The following SCN4B variants were observed in gnomAD, a reference collection of about 807,000 sequenced individuals.
SCN4B encodes the protein sodium voltage-gated channel beta subunit 4.
SCN4B carries 20 observed loss-of-function variants against 19.6 expected under a neutral mutation model. The observed-to-expected ratio is 1.02, with a 90% CI of 0.72 to 1.48. SCN4B has a LOEUF of 1.48. Ranked by LOEUF, SCN4B falls within the 40% of genes most tolerant of loss-of-function variation. SCN4B has a pLI of 0.00. For synonymous variants in SCN4B, 127 were observed against 122.8 expected, an observed-to-expected ratio of 1.03 and a Z score of -0.22; for missense variants, 271 against 287.5, an observed-to-expected ratio of 0.94 and a Z score of 0.42.
rs1489698404 is a variant in SCN4B, at chr11:118,133,534, C to T, written c.*3493G>A. 4.4e-6 allele frequency: 2 copies of T among 454,218 alleles called. No homozygotes were observed. The highest frequency in any genetic ancestry group is 6.9e-5 in the East Asian group (1 of 14,410). The allele number at this position is 454,218 out of a possible 1,614,324, so 28.1% of individuals were successfully genotyped here. On this transcript the variant is annotated 3_prime_UTR_variant, in exon 5 of 5. Transcript: ENST00000324727. ...TCTGCGCCTCCCAGAGGCACTCGCA[C>T]ACCTGAGGCCTCCCAAGGCCTGTTG...
intron 3 of SCN4B, chr11:118,141,950 T>A (rs1484429152): frequency 6.5e-6 from 1 of 154,984 alleles, no homozygotes. Context: ...ATCCTCCCAA[T>A]TGCTATAACC....
Position 118,135,944 on chromosome 11 carries a change from C to T in SCN4B, c.*1083G>A, listed in dbSNP as rs951535863. ...CTGGGAAACCCAAGGACCCCCTCAT[C>T]CAAAGGAAGAGAGTCCCTGAGGCGA... On this transcript the variant is annotated 3_prime_UTR_variant, in exon 5 of 5. Coordinates refer to ENST00000324727, the MANE Select transcript of SCN4B (RefSeq NM_174934.4). The T allele has an allele frequency of 2.2e-6, 1 of 454,172 alleles. No individual in the cohort carries two copies. Among genetic ancestry groups the T allele is most frequent in the Non-Finnish European group, 4.4e-6 (1 of 226,694 alleles). The allele number at this position is 454,172 out of a possible 1,614,324, so 28.1% of individuals were successfully genotyped here.
Position 118,134,496 on chromosome 11 carries a change from G to T in SCN4B, c.*2531C>A. On this transcript the variant is annotated 3_prime_UTR_variant, in exon 5 of 5. Transcript: ENST00000324727. ...TGGGACAGGATGATTCTTTGTTGTGGGGACTAAGTTTAGCATTCTTAGTAG... is the reference window on the plus strand; with the variant it reads ...TGGGACAGGATGATTCTTTGTTGTGTGGACTAAGTTTAGCATTCTTAGTAG... 1 of 454,066 alleles carries T rather than the reference G, an allele frequency of 2.2e-6. No individual in the cohort carries two copies. The highest frequency in any genetic ancestry group is 6.9e-4 in the Middle Eastern group (1 of 1,444). The allele number at this position is 454,066 out of a possible 1,614,324, so 28.1% of individuals were successfully genotyped here.
rs755268093 is a variant in SCN4B at position 118,134,993 on chromosome 11, C to T, written c.*2034G>A. 1.1e-4 allele frequency: 48 copies of T among 454,076 alleles called. No homozygotes were observed. Among genetic ancestry groups the T allele is most frequent in the Middle Eastern group, 6.9e-4 (1 of 1,444 alleles). The allele number at this position is 454,076 out of a possible 1,614,324, so 28.1% of individuals were successfully genotyped here. On this transcript the variant is annotated 3_prime_UTR_variant, in exon 5 of 5. Coordinates refer to ENST00000324727, the MANE Select transcript of SCN4B (RefSeq NM_174934.4). ...TGGTGCCCTTCTTCTCCCTACTCTACGTGCCTTGGCTTTCTCTTAAGACAG... is the reference window on the plus strand; with the variant it reads ...TGGTGCCCTTCTTCTCCCTACTCTATGTGCCTTGGCTTTCTCTTAAGACAG...
chr11:118,141,545 G>T, intron 3 of SCN4B: 1 of 612,386 alleles, frequency 1.6e-6, no homozygotes, highest in East Asian at 2.8e-5. Flanking sequence ...GCACACATAA[G>T]GGGCCCTCTC....
At position 118,134,672 on chromosome 11, in the gene SCN4B, G is replaced by T; in HGVS notation, c.*2355C>A. On this transcript the variant is annotated 3_prime_UTR_variant, in exon 5 of 5. Coordinates refer to ENST00000324727, the MANE Select transcript of SCN4B (RefSeq NM_174934.4). ...CAAAGACTAAATAATTCCAAGGGGGGTGGGATGGAAAGAAAGAGAGAGAGA... is the reference window on the plus strand; with the variant it reads ...CAAAGACTAAATAATTCCAAGGGGGTTGGGATGGAAAGAAAGAGAGAGAGA... 2 of 454,074 alleles carry T rather than the reference G, an allele frequency of 4.4e-6. No individual in the cohort carries two copies. The highest frequency in any genetic ancestry group is 8.8e-6 in the Non-Finnish European group (2 of 226,782). 28.1% of individuals were successfully genotyped at this position (454,074 alleles called of 1,614,324 possible).
intron 4 of SCN4B, 142 bp downstream of exon 4, chr11:118,141,065 G>C (rs572103855): frequency 5.7e-6 from 5 of 881,608 alleles, no homozygotes; most frequent in Non-Finnish European, 9.4e-6. Context: ...AGATGGGGAG[G>C]GGGTGGCAGG....
intron 4 of SCN4B, among the ~76,000 whole-genome samples, chr11:118,138,528 C>T (rs1948053674): frequency 1.3e-5 from 2 of 152,196 alleles, no homozygotes; most frequent in South Asian, 4.1e-4. Flanking sequence ...GTCTCTGTAC[C>T]TAAGGCATAG....
In SCN4B at chr11:118,133,443, T is replaced by G. The variant is rs1435159429; in HGVS notation, c.*3584A>C. 1 of 439,132 alleles carries G rather than the reference T, an allele frequency of 2.3e-6. No individual in the cohort carries two copies. The highest frequency in any genetic ancestry group is 7.1e-5 in the East Asian group (1 of 14,050). The allele number at this position is 439,132 out of a possible 1,614,324, so 27.2% of individuals were successfully genotyped here. A position where few individuals can be genotyped will look rare whatever the true frequency, so the allele number is the denominator to read the frequency against. On this transcript the variant is annotated 3_prime_UTR_variant, in exon 5 of 5. Coordinates refer to ENST00000324727, the MANE Select transcript of SCN4B (RefSeq NM_174934.4). Reference sequence around the variant, plus strand: ...TACAATTCTACAATGCAAAACTTGTTGTAGAGGCCAGACTGATTATATCCG... The same window carrying G: ...TACAATTCTACAATGCAAAACTTGTGGTAGAGGCCAGACTGATTATATCCG...
intron 4 of SCN4B, among the ~76,000 whole-genome samples, chr11:118,140,145 G>A (rs1948075747): frequency 6.6e-6 from 1 of 152,114 alleles, no homozygotes; most frequent in African/African-American, 2.4e-5. Context: ...TTGATAGTAA[G>A]ACTGGTTATG....
At chr11:118,145,256 A>C in intron 1 of SCN4B, 27 bp from the exon 2 acceptor site, 2 of 1,613,524 alleles carry the variant, frequency 1.2e-6, no homozygotes, top group Non-Finnish European at 1.7e-6. Flanking sequence ...GCCTCCCTTA[A>C]TAAAACCCCA....
In SCN4B at chr11:118,137,039, A is replaced by G; in HGVS notation, c.675T>C (p.Pro225=). 6.2e-7 allele frequency: 1 copy of G among 1,613,106 alleles called. No homozygotes were observed. The highest frequency in any genetic ancestry group is 8.5e-7 in the Non-Finnish European group (1 of 1,179,048). The stretch of plus-strand genomic sequence containing the variant: ...CCCGAAGCAGGGCTCACACTTTTGA[A>G]GGTGGTTTCTCCTCTGCCTTGGAGC... ...LPGSKAEEKP[P]SKV The change falls in exon 5 of 5, where the codon CCT becomes CCC. Residue 225 remains proline (P), a synonymous_variant. Coordinates refer to ENST00000324727, the MANE Select transcript of SCN4B (RefSeq NM_174934.4).
Position 118,135,477 on chromosome 11 carries a change from G to A in SCN4B, c.*1550C>T, listed in dbSNP as rs1947981628. ...AGGGAGAGAGGGATTGGAAGTAGATGGGCAGAGAGGCTTGTTACCACTTTT... is the reference window on the plus strand; with the variant it reads ...AGGGAGAGAGGGATTGGAAGTAGATAGGCAGAGAGGCTTGTTACCACTTTT... On this transcript the variant is annotated 3_prime_UTR_variant, in exon 5 of 5. Transcript: ENST00000324727. 2.2e-6 allele frequency: 1 copy of A among 454,084 alleles called. No individual in the cohort carries two copies. Among genetic ancestry groups the A allele is most frequent in the Non-Finnish European group, 4.4e-6 (1 of 226,786 alleles). 28.1% of individuals were successfully genotyped at this position (454,084 alleles called of 1,614,324 possible). A position where few individuals can be genotyped will look rare whatever the true frequency, so the allele number is the denominator to read the frequency against.
rs969438457 is a variant in SCN4B at position 118,148,189 on chromosome 11, A to G, written c.62-2960T>C. ...CGGCAGAAATGGTTTCACAGAGTCC[A>G]GAGCCCTGCCCGAGTGAAAGCATCA... is the stretch of plus-strand genomic sequence containing the variant. On this transcript the variant is annotated intron_variant, in intron 1 of 4. Coordinates refer to ENST00000324727, the MANE Select transcript of SCN4B (RefSeq NM_174934.4). This position sits in a 1 kb window ranked among gnomAD's most constrained non-coding sequence, Gnocchi z 4.0. 1.3e-5 allele frequency among the ~76,000 whole-genome samples: 2 copies of G among 152,244 alleles called. No individual in the cohort carries two copies. Among genetic ancestry groups the G allele is most frequent in the African/African-American group, 4.8e-5 (2 of 41,470 alleles).
Position 118,143,899 on chromosome 11 carries a change from C to A in SCN4B, c.397G>T (p.Val133Leu). 1.2e-6 allele frequency: 2 copies of A among 1,613,912 alleles called. No homozygotes were observed. The highest frequency in any genetic ancestry group is 2.2e-5 in the East Asian group (1 of 44,888). The change falls in exon 3 of 5, where the codon GTG becomes TTG. Residue 133 changes from valine (V) to leucine (L), a missense_variant. Physicochemically the swap from Val to Leu is conservative, Grantham distance 32. Transcript: ENST00000324727. ...FSDTGKYTCH[V>L]KNPKENNLQH... ...AGATTATTCTCCTTGGGGTTCTTCA[C>A]ATGGCAGGTGTATTTGCCCGTGTCG...
chr11:118,151,677 T>C lies in SCN4B; in HGVS notation c.61+936A>G, dbSNP rs140122876. Among the ~76,000 whole-genome samples, 1,069 of 152,328 alleles carry C rather than the reference T, an allele frequency of 7.0e-3. 8 individuals are homozygous for C. The highest frequency in any genetic ancestry group is 0.034 in the Middle Eastern group (10 of 294). Reference sequence around the variant, plus strand: ...GCAGAAATACCTACACCGTGTGTCTTACCCAATGCAGGGAGCTGCCAAAAG... The same window carrying C: ...GCAGAAATACCTACACCGTGTGTCTCACCCAATGCAGGGAGCTGCCAAAAG... On this transcript the variant is annotated intron_variant, in intron 1 of 4. Transcript: ENST00000324727.
intron 1 of SCN4B, among the ~76,000 whole-genome samples, chr11:118,150,309 T>A (rs1948222749): frequency 6.6e-6 from 1 of 152,156 alleles, no homozygotes. Context: ...GGTATTTTGT[T>A]AGGTTATCAA....
At chr11:118,151,856 G>T (rs1948235822) in intron 1 of SCN4B, among the ~76,000 whole-genome samples, 1 of 152,228 alleles carries the variant, frequency 6.6e-6, no homozygotes, top group Admixed American at 6.5e-5. Context: ...AAACTCTCAT[G>T]TGCATATTAA....
At chr11:118,145,564 G>C in intron 1 of SCN4B, 1 of 947,516 alleles carries the variant, frequency 1.1e-6, no homozygotes, top group Admixed American at 3.4e-5. Context: ...TGGGGACGCA[G>C]TGCCTGGAAG....
Sources: gnomAD v4.1 joint callset for allele counts (sites outside exome capture counted in the v4.1 genomes callset) on GRCh38, gnomAD v4.1.1 for gene constraint, Gnocchi (gnomAD v3.1) non-coding constraint, MANE v1.5 for transcripts, NCBI Gene and HGNC (gene_info 2026-07-23, HGNC 2026-07-21) for gene names.